Variants in DLGAP2 observed in about 807,000 individuals in gnomAD.
The protein encoded by DLGAP2 is disks large-associated protein 2.
A neutral mutation model predicts 100.3 loss-of-function variants in DLGAP2; 26 were observed. The ratio of observed to expected loss-of-function variants is 0.26; its 90% CI spans 0.19 to 0.36. The LOEUF (loss-of-function observed/expected upper bound fraction) is 0.36, where lower values mean the gene tolerates loss of function less well. Ranked by LOEUF, DLGAP2 falls within the 10% of genes least tolerant of loss-of-function variation. The probability of loss-of-function intolerance (pLI) is 1.00; values close to 1 mark genes in which losing one functional copy is unlikely to be tolerated. For missense variants in DLGAP2, 1,858 were observed against 1,453.2 expected (o/e 1.28, Z -4.53); for synonymous variants, 886 against 630.1 (o/e 1.41, Z -6.08).
intron 2 of DLGAP2, among the ~76,000 whole-genome samples, chr8:1,008,761 C>T (rs139205272): frequency 1.3e-5 from 2 of 152,348 alleles, no homozygotes; most frequent in East Asian, 1.9e-4. Context: ...GAGGGTCCGT[C>T]AGGGAGCAAC....
At chr8:1,226,334 G>C (rs1467841947) in intron 2 of DLGAP2, among the ~76,000 whole-genome samples, 1 of 152,160 alleles carries the variant, frequency 6.6e-6, no homozygotes, top group Non-Finnish European at 1.5e-5. Context: ...CATAGATGAA[G>C]CTGGAAGCCA....
chr8:1,324,481 C>T (rs998010546), intron 3 of DLGAP2, among the ~76,000 whole-genome samples: 1 of 152,204 alleles, frequency 6.6e-6, no homozygotes, highest in African/African-American at 2.4e-5. Context: ...GACATGTTTC[C>T]ACAGGCAGAG....
chr8:1,367,340 T>C (rs1471727660), intron 3 of DLGAP2, among the ~76,000 whole-genome samples: 2 of 152,214 alleles, frequency 1.3e-5, no homozygotes, highest in African/African-American at 4.8e-5. Context: ...CTCCTTTTCA[T>C]CTCAAACCTT....
At chr8:1,602,423 G>C (rs1289900144) in intron 6 of DLGAP2, among the ~76,000 whole-genome samples, 1 of 152,228 alleles carries the variant, frequency 6.6e-6, no homozygotes, top group Non-Finnish European at 1.5e-5. Context: ...AGAATCTCCA[G>C]CTTTAACAGT....
At chr8:1,645,984 G>C (rs76468713) in intron 8 of DLGAP2, among the ~76,000 whole-genome samples, 2,735 of 152,274 alleles carry the variant, frequency 0.018, 71 homozygotes, top group African/African-American at 0.062. Context: ...GGTGGAGGCC[G>C]AATAATGCCG....
intron 2 of DLGAP2, among the ~76,000 whole-genome samples, chr8:1,028,743 A>T (rs1394964316): frequency 1.3e-5 from 2 of 152,174 alleles, no homozygotes; most frequent in Non-Finnish European, 2.9e-5. Context: ...ATGGCGGGGA[A>T]TTTGGAGTTT....
intron 6 of DLGAP2, among the ~76,000 whole-genome samples, chr8:1,590,803 C>T (rs757312404): frequency 3.6e-4 from 55 of 152,268 alleles, no homozygotes; most frequent in Non-Finnish European, 5.7e-4. Context: ...TCGGAGGCTC[C>T]CTCTGGTCCA....
intron 2 of DLGAP2, among the ~76,000 whole-genome samples, chr8:1,255,478 G>GTA (rs1406866985): frequency 7.3e-6 from 1 of 137,012 alleles, no homozygotes; most frequent in African/African-American, 2.9e-5. Flanking sequence ...TGGGTGCTGT[G>GTA]TGTGTGTGTC....
intron 3 of DLGAP2, among the ~76,000 whole-genome samples, chr8:1,383,883 G>A (rs1291713603): frequency 6.6e-6 from 1 of 152,164 alleles, no homozygotes; most frequent in Non-Finnish European, 1.5e-5. Flanking sequence ...AGCGGCAGAT[G>A]TCTTTGGCGG....
chr8:1,548,983 C>T lies in DLGAP2; in HGVS notation c.530C>T (p.Ala177Val). 3.8e-6 allele frequency: 6 copies of T among 1,599,346 alleles called. No homozygotes were observed. The highest frequency in any genetic ancestry group is 5.1e-6 in the Non-Finnish European group (6 of 1,179,326). ...CACTACGACACGCGCGACGACTGCG[C>T]TGTGGCCCACGCGGGCGCCAAGATC... ...SSHYDTRDDC[A>V]VAHAGAKINR... is the part of the protein sequence containing the mutation. Residue 177 changes from alanine to valine, a missense_variant, in exon 5 of 15, where the codon GCT becomes GTT. Transcript: ENST00000637795.
At chr8:1,059,616 C>G (rs1803010003) in intron 2 of DLGAP2, among the ~76,000 whole-genome samples, 1 of 152,198 alleles carries the variant, frequency 6.6e-6, no homozygotes, top group African/African-American at 2.4e-5. Flanking sequence ...TTCTGGTTTG[C>G]TCCCTCCTGT....
chr8:1,688,696 A>C (rs1799175553), intron 12 of DLGAP2, among the ~76,000 whole-genome samples: 1 of 152,180 alleles, frequency 6.6e-6, no homozygotes, highest in Non-Finnish European at 1.5e-5. Context: ...TTAGAAAAAT[A>C]AGACAAGACA....
intron 2 of DLGAP2, among the ~76,000 whole-genome samples, chr8:1,226,522 G>A (rs929111391): frequency 1.3e-5 from 2 of 152,026 alleles, no homozygotes; most frequent in African/African-American, 4.8e-5. Context: ...ATGCATGTGG[G>A]GCTTAATACC....
intron 2 of DLGAP2, among the ~76,000 whole-genome samples, chr8:1,170,591 T>C: frequency 7.7e-6 from 1 of 130,516 alleles, no homozygotes; most frequent in Non-Finnish European, 1.7e-5. Context: ...GAGATTCAGC[T>C]TCTTCCTGGT....
At chr8:1,276,240 A>G (rs1383042473) in intron 3 of DLGAP2, among the ~76,000 whole-genome samples, 1 of 151,222 alleles carries the variant, frequency 6.6e-6, no homozygotes, top group East Asian at 1.9e-4. Flanking sequence ...TCAATGTTAT[A>G]TTTCTTTCAT....
chr8:1,695,233 A>G (rs548142104), intron 13 of DLGAP2, among the ~76,000 whole-genome samples: 1 of 147,660 alleles, frequency 6.8e-6, no homozygotes, highest in Admixed American at 6.7e-5. Flanking sequence ...GGGCACAGCC[A>G]TGACCGGCCC....
At chr8:1,365,463 C>T (rs1273136025) in intron 3 of DLGAP2, among the ~76,000 whole-genome samples, 1 of 152,150 alleles carries the variant, frequency 6.6e-6, no homozygotes, top group African/African-American at 2.4e-5. Flanking sequence ...ACAGGGCTCA[C>T]TCCTAATGAA....
chr8:1,575,774 C>T (rs1486859292), intron 6 of DLGAP2, among the ~76,000 whole-genome samples: 1 of 151,826 alleles, frequency 6.6e-6, no homozygotes, highest in Non-Finnish European at 1.5e-5. Flanking sequence ...TAGCTTCATC[C>T]ATGTCCCTAC....
chr8:1,579,793 C>T (rs995121504), intron 6 of DLGAP2, among the ~76,000 whole-genome samples: 3 of 152,190 alleles, frequency 2.0e-5, no homozygotes, highest in Admixed American at 1.3e-4. Context: ...CATATCGTTG[C>T]GTGACACGGT....
Sources: gnomAD v4.1 joint callset for allele counts (sites outside exome capture counted in the v4.1 genomes callset) on GRCh38, gnomAD v4.1.1 for gene constraint, MANE v1.5 for transcripts, NCBI Gene and HGNC (gene_info 2026-07-23, HGNC 2026-07-21) for gene names.